ZPBP2: variants seen among roughly 807,000 people sequenced by gnomAD.
ZPBP2 encodes zona pellucida-binding protein 2.
A neutral mutation model predicts 37.5 loss-of-function variants in ZPBP2; 34 were observed. The ratio of observed to expected loss-of-function variants is 0.91; its 90% CI spans 0.69 to 1.21. The LOEUF is 1.21. Ranked by LOEUF, ZPBP2 falls within the 50% of genes most tolerant of loss-of-function variation. The probability of loss-of-function intolerance (pLI) is 0.00; values close to 1 mark genes in which losing one functional copy is unlikely to be tolerated. For missense variants in ZPBP2, 397 were observed against 413.5 expected, an observed-to-expected ratio of 0.96 and a Z score of 0.35; for synonymous variants, 143 against 138.4, an observed-to-expected ratio of 1.03 and a Z score of -0.23.
At chr17:39,868,670 C>G (rs1473838807) in intron 2 of ZPBP2, 56 bp downstream of exon 2, 1 of 1,602,680 alleles carries the variant, frequency 6.2e-7, no homozygotes, top group Non-Finnish European at 8.5e-7. Context: ...CTGCGAAGCT[C>G]TTCCCGGAAG....
Position 39,868,518 on chromosome 17 carries a change from A to G in ZPBP2, c.53-31A>G, listed in dbSNP as rs776304897. On this transcript the variant is annotated intron_variant, in intron 1 of 7. Transcript: ENST00000348931. Reference sequence around the variant, plus strand: ...GACTCTGAACCCTGCTCCTCTTCTAACTAAAAGTCAGTGTTTTATTTCCTC... The same window carrying G: ...GACTCTGAACCCTGCTCCTCTTCTAGCTAAAAGTCAGTGTTTTATTTCCTC... The G allele has an allele frequency of 3.7e-6, 6 of 1,613,942 alleles. No individual in the cohort carries two copies. In the East Asian group the frequency reaches 1.3e-4, roughly 36 times the overall value.
chr17:39,873,161 T>G, intron 6 of ZPBP2, 35 bp downstream of exon 6: 2 of 1,589,078 alleles, frequency 1.3e-6, no homozygotes, highest in Non-Finnish European at 1.7e-6. Context: ...AGTATTTGTC[T>G]TTTTCTTTTT....
At chr17:39,868,903 G>A (rs993762910) in intron 2 of ZPBP2, among the ~76,000 whole-genome samples, 9 of 152,066 alleles carry the variant, frequency 5.9e-5, no homozygotes, top group African/African-American at 1.9e-4. Flanking sequence ...TTTGCAACGC[G>A]GGAAACCCAC....
At chr17:39,874,093 C>T (rs577937380) in intron 6 of ZPBP2, among the ~76,000 whole-genome samples, 4 of 144,942 alleles carry the variant, frequency 2.8e-5, no homozygotes, top group Admixed American at 2.2e-4. Flanking sequence ...TCAAGCAATT[C>T]TCCTGCCTCA....
chr17:39,875,357 A>C lies in ZPBP2; in HGVS notation c.812A>C (p.Gln271Pro), dbSNP rs1368505279. Residue 271 changes from glutamine to proline, a missense_variant, in exon 7 of 8, where the codon CAA (glutamine) becomes CCA (proline). Physicochemically the swap from Gln to Pro is moderately conservative, Grantham distance 76. Coordinates refer to ENST00000348931, the MANE Select transcript of ZPBP2 (RefSeq NM_199321.3). ...ATGCATTTTGTGGACCACAGTTTGC[A>C]AGTAGTACGTCTGGATAGCTGTCGA... ...PAMHFVDHSL[Q>P]VVRLDSCRPG... 1.2e-6 allele frequency: 2 copies of C among 1,614,180 alleles called. No homozygotes were observed. Among genetic ancestry groups the C allele is most frequent in the Non-Finnish European group, 1.7e-6 (2 of 1,180,018 alleles).
At chr17:39,875,685 G>A (rs184278295) in intron 7 of ZPBP2, among the ~76,000 whole-genome samples, 53 of 150,462 alleles carry the variant, frequency 3.5e-4, no homozygotes, top group Non-Finnish European at 6.6e-4. Context: ...CACAACCTTC[G>A]TCTCCAGGGT....
chr17:39,869,756 AG>A (rs1355152452), intron 2 of ZPBP2, among the ~76,000 whole-genome samples: 1 of 125,818 alleles, frequency 7.9e-6, no homozygotes, highest in Non-Finnish European at 1.6e-5. Context: ...TCCATTGCCC[AG>A]GCTGGAGTGC....
Position 39,871,473 on chromosome 17 carries a change from G to C in ZPBP2, c.254G>C (p.Arg85Thr). 2 of 1,583,696 alleles carry C rather than the reference G, an allele frequency of 1.3e-6. No homozygotes were observed. Among genetic ancestry groups the C allele is most frequent in the Non-Finnish European group, 1.7e-6 (2 of 1,167,860 alleles). Residue 85 changes from arginine (R) to threonine (T), a missense_variant, in exon 4 of 8, where the codon AGA (arginine) becomes ACA (threonine). Transcript: ENST00000348931. ...TTACTATTCTGTTTAGGAAATAATA[G>C]AATAAATATAACTGAAACTGGACAG... is the stretch of plus-strand genomic sequence containing the variant. ...PNEKTLTGNN[R>T]INITETGQLM...
Position 39,868,268 on chromosome 17 carries a change from G to A in ZPBP2, c.-87G>A. 6.7e-7 allele frequency: 1 copy of A among 1,497,502 alleles called. No individual in the cohort carries two copies. The highest frequency in any genetic ancestry group is 1.2e-5 in the South Asian group (1 of 85,452). The allele number at this position is 1,497,502 out of a possible 1,614,324, so 92.8% of individuals were successfully genotyped here. A position where few individuals can be genotyped will look rare whatever the true frequency, so the allele number is the denominator to read the frequency against. On this transcript the variant is annotated 5_prime_UTR_variant, in exon 1 of 8. It adds an upstream start codon to the 5' untranslated region. Transcript: ENST00000348931. ...CGACCCCGGCGTTCTGCTCCGCACTGTGGAGGAGGTGGGGAGGTGTTGGGC... is the reference window on the plus strand; with the variant it reads ...CGACCCCGGCGTTCTGCTCCGCACTATGGAGGAGGTGGGGAGGTGTTGGGC...
chr17:39,870,244 G>A (rs1053381490), intron 2 of ZPBP2, among the ~76,000 whole-genome samples: 5 of 151,620 alleles, frequency 3.3e-5, no homozygotes, highest in African/African-American at 1.2e-4. Context: ...GGGTTTTGCC[G>A]TTTTCTTCAG....
Position 39,870,789 on chromosome 17 carries a change from T to C in ZPBP2, c.214T>C (p.Trp72Arg). ...AGAAATAGTGGACCCCACCTACTTA[T>C]GGATTGGGCCTAATGAAAAGACGTT... The part of the protein sequence containing the change: ...KKEIVDPTYL[W>R]IGPNEKTLTG... The change falls in exon 3 of 8, where the codon TGG (tryptophan) becomes CGG (arginine). Residue 72 changes from tryptophan (W) to arginine (R), a missense_variant. Trp to Arg is a moderately radical substitution (Grantham distance 101). Transcript: ENST00000348931. 1.3e-6 allele frequency: 2 copies of C among 1,567,582 alleles called. No homozygotes were observed. Among genetic ancestry groups the C allele is most frequent in the Non-Finnish European group, 1.7e-6 (2 of 1,150,196 alleles).
At chr17:39,875,458 A>G (rs1451723377) in intron 7 of ZPBP2, 24 bp downstream of exon 7, 3 of 1,536,730 alleles carry the variant, frequency 2.0e-6, no homozygotes, top group African/African-American at 2.8e-5. Context: ...ATAAATATCT[A>G]AACATTTAGG....
At chr17:39,870,359 A>G (rs2063358930) in intron 2 of ZPBP2, among the ~76,000 whole-genome samples, 1 of 152,186 alleles carries the variant, frequency 6.6e-6, no homozygotes, top group African/African-American at 2.4e-5. Flanking sequence ...TGAACTTTTA[A>G]TTGCTTCCAC....
At chr17:39,876,579 T>C (rs945357706) in intron 7 of ZPBP2, 103 bp from the exon 8 acceptor site, 11 of 1,315,380 alleles carry the variant, frequency 8.4e-6, no homozygotes, top group African/African-American at 5.9e-5. Flanking sequence ...TGAAATGGTA[T>C]GATATTAAAG....
chr17:39,876,552 TG>T, intron 7 of ZPBP2, 129 bp from the exon 8 acceptor site: 1 of 949,432 alleles, frequency 1.1e-6, no homozygotes, highest in Non-Finnish European at 1.5e-6. Flanking sequence ...GAACATTACC[TG>T]GTATAATATA....
chr17:39,871,268 A>G (rs899704671), intron 3 of ZPBP2, among the ~76,000 whole-genome samples, 196 bp from the exon 4 acceptor site: 1 of 152,194 alleles, frequency 6.6e-6, no homozygotes, highest in African/African-American at 2.4e-5. Context: ...AAAGAAAACC[A>G]AAATATATTT....
rs530571967 is a variant in ZPBP2 at position 39,870,606 on chromosome 17, C to T, written c.119-88C>T. ...TAGTGAAATCCAACAAGAACTAATT[C>T]GTGTCTTCAGCACAAAATGGTAGGA... is the stretch of plus-strand genomic sequence containing the variant. On this transcript the variant is annotated intron_variant, in intron 2 of 7. Transcript: ENST00000348931. 3.6e-5 allele frequency: 26 copies of T among 727,622 alleles called. No homozygotes were observed. In the South Asian group the frequency reaches 8.0e-4, roughly 22 times the overall value. The allele number at this position is 727,622 out of a possible 1,614,324, so 45.1% of individuals were successfully genotyped here.
At chr17:39,873,018 G>A (rs1266780343) in intron 5 of ZPBP2, 26 bp from the exon 6 acceptor site, 3 of 1,604,398 alleles carry the variant, frequency 1.9e-6, no homozygotes, top group Non-Finnish European at 2.6e-6. Flanking sequence ...ATCCCTTTGT[G>A]AGTCTATCAT....
chr17:39,875,449 T>A lies in ZPBP2; in HGVS notation c.889+15T>A. The A allele has an allele frequency of 6.5e-7, 1 of 1,547,086 alleles. No individual in the cohort carries two copies. The highest frequency in any genetic ancestry group is 8.7e-7 in the Non-Finnish European group (1 of 1,146,462). On this transcript the variant is annotated intron_variant, in intron 7 of 7. Coordinates refer to ENST00000348931, the MANE Select transcript of ZPBP2 (RefSeq NM_199321.3). ...TAGCTGTTGTGGTAACTATAAAATA[T>A]AAATATCTAAACATTTAGGTTATAG...
Sources: gnomAD v4.1 joint callset for allele counts (sites outside exome capture counted in the v4.1 genomes callset) on GRCh38, gnomAD v4.1.1 for gene constraint, MANE v1.5 for transcripts, NCBI Gene and HGNC (gene_info 2026-07-23, HGNC 2026-07-21) for gene names.